Variants in KCNH1 observed in about 807,000 individuals in gnomAD.
KCNH1 encodes potassium voltage-gated channel subfamily H member 1.
Under a neutral mutation model 69.2 loss-of-function variants are expected in KCNH1, and 27 were observed. That is an observed-to-expected ratio of 0.39 (90% CI 0.29 to 0.54). The LOEUF (loss-of-function observed/expected upper bound fraction) is 0.54, where lower values mean the gene tolerates loss of function less well. Among genes scored for constraint, KCNH1 ranks in the 20% least tolerant of loss-of-function variants. KCNH1 has a pLI of 0.68. For missense variants in KCNH1, 798 were observed against 1,261.6 expected (o/e 0.63, Z 5.57); for synonymous variants, 456 against 487.7 (o/e 0.93, Z 0.86).
chr1:210,878,862 A>G (rs1330113006), intron 7 of KCNH1, among the ~76,000 whole-genome samples: 2 of 152,058 alleles, frequency 1.3e-5, no homozygotes, highest in East Asian at 1.9e-4. Context: ...TGAAAATATC[A>G]ATAAAATACA....
chr1:210,852,387 G>T (rs903951528), intron 7 of KCNH1, among the ~76,000 whole-genome samples: 1 of 152,266 alleles, frequency 6.6e-6, no homozygotes, highest in African/African-American at 2.4e-5. Flanking sequence ...CTGCAAAGCT[G>T]CAGTGCTGTG....
At chr1:210,851,762 C>T (rs1334882639) in intron 7 of KCNH1, among the ~76,000 whole-genome samples, 5 of 152,226 alleles carry the variant, frequency 3.3e-5, no homozygotes, top group East Asian at 1.9e-4. Context: ...TATAATAACA[C>T]GATGGTAAGT....
At chr1:210,847,342 A>T (rs1437881906) in intron 7 of KCNH1, among the ~76,000 whole-genome samples, 1 of 152,208 alleles carries the variant, frequency 6.6e-6, no homozygotes, top group African/African-American at 2.4e-5. Flanking sequence ...AATGTCCAAC[A>T]ACGATAGACT....
chr1:211,058,593 A>T (rs1465140970), intron 5 of KCNH1, among the ~76,000 whole-genome samples: 1 of 152,134 alleles, frequency 6.6e-6, no homozygotes, highest in Non-Finnish European at 1.5e-5. Flanking sequence ...ATCAAAAAAC[A>T]TACAATACAT....
chr1:210,803,168 T>C (rs762248127), intron 8 of KCNH1, among the ~76,000 whole-genome samples: 1 of 152,200 alleles, frequency 6.6e-6, no homozygotes, highest in Non-Finnish European at 1.5e-5. Flanking sequence ...AGTGGCATTA[T>C]CTTGGCTCGC....
chr1:210,997,484 C>A (rs1424917590), intron 6 of KCNH1, among the ~76,000 whole-genome samples: 1 of 152,160 alleles, frequency 6.6e-6, no homozygotes, highest in Non-Finnish European at 1.5e-5. Context: ...AAGAAATGAA[C>A]AAAGCTTCCA....
intron 10 of KCNH1, among the ~76,000 whole-genome samples, chr1:210,699,928 T>G (rs1232743829): frequency 6.6e-6 from 1 of 152,172 alleles, no homozygotes; most frequent in African/African-American, 2.4e-5. Context: ...GCCTTCCTCC[T>G]GACCAGCTGC....
rs1415416609 is a variant in KCNH1 at position 210,682,619 on chromosome 1, ACCT to A, written c.*659_*661del. 1.3e-5 allele frequency: 2 copies of A among 152,442 alleles called. No individual in the cohort carries two copies. Among genetic ancestry groups the A allele is most frequent in the Non-Finnish European group, 2.9e-5 (2 of 68,452 alleles). 9.4% of individuals were successfully genotyped at this position (152,442 alleles called of 1,614,324 possible). A position where few individuals can be genotyped will look rare whatever the true frequency, so the allele number is the denominator to read the frequency against. On this transcript the variant is annotated 3_prime_UTR_variant, in exon 11 of 11. Coordinates refer to ENST00000271751, the MANE Select transcript of KCNH1 (RefSeq NM_172362.3). ...CCTCTCCAGCTCTTACCCTTGCCTC[ACCT>A]CCTTTGGGGAAGGAGACCTGAGGAT...
At chr1:210,714,891 C>G (rs1231214925) in intron 10 of KCNH1, among the ~76,000 whole-genome samples, 1 of 152,082 alleles carries the variant, frequency 6.6e-6, no homozygotes, top group Non-Finnish European at 1.5e-5. Flanking sequence ...CTCATTTTCC[C>G]CCAGCCATTG....
chr1:210,833,629 G>C (rs2102442814), intron 7 of KCNH1, among the ~76,000 whole-genome samples: 1 of 152,182 alleles, frequency 6.6e-6, no homozygotes, highest in Admixed American at 6.5e-5. Context: ...CACGGGCAAG[G>C]ACTTCATGTC....
chr1:210,814,220 G>A (rs1199472260), intron 7 of KCNH1, among the ~76,000 whole-genome samples: 1 of 151,982 alleles, frequency 6.6e-6, no homozygotes, highest in Non-Finnish European at 1.5e-5. Flanking sequence ...ATGCAATTTG[G>A]AATACTGGCT....
At position 211,133,806 on chromosome 1, in the gene KCNH1, G is replaced by T; in HGVS notation, c.79+61C>A. ...ATCTGCTGGCTCCGAGCGGCGAGAGGTTCTGCAATAAAGGCACGGATAAAA... is the reference window on the plus strand; with the variant it reads ...ATCTGCTGGCTCCGAGCGGCGAGAGTTTCTGCAATAAAGGCACGGATAAAA... On this transcript the variant is annotated intron_variant, in intron 1 of 10. Coordinates refer to ENST00000271751, the MANE Select transcript of KCNH1 (RefSeq NM_172362.3). The surrounding 1 kb of genome is among the most constrained non-coding windows in gnomAD (Gnocchi z 5.4). The T allele has an allele frequency of 3.4e-6, 5 of 1,473,638 alleles. No individual in the cohort carries two copies. Among genetic ancestry groups the T allele is most frequent in the East Asian group, 2.3e-5 (1 of 42,584 alleles). 91.3% of individuals were successfully genotyped at this position (1,473,638 alleles called of 1,614,324 possible).
chr1:210,844,305 G>A (rs1015202047), intron 7 of KCNH1, among the ~76,000 whole-genome samples: 14 of 152,148 alleles, frequency 9.2e-5, no homozygotes, highest in African/African-American at 2.9e-4. Context: ...GGTGGGTCAC[G>A]AGGTCAAGAG....
chr1:210,962,934 T>C (rs1574364399), intron 6 of KCNH1, among the ~76,000 whole-genome samples: 1 of 151,172 alleles, frequency 6.6e-6, no homozygotes, highest in Non-Finnish European at 1.5e-5. Flanking sequence ...TCGTTTCGTA[T>C]GTTGGTAGTC....
At chr1:210,745,604 G>T (rs74156061) in intron 10 of KCNH1, among the ~76,000 whole-genome samples, 8,872 of 152,164 alleles carry the variant, frequency 0.058, 461 homozygotes, top group East Asian at 0.14. Flanking sequence ...ATACTGTTCT[G>T]GAAAGTACCA....
intron 2 of KCNH1, among the ~76,000 whole-genome samples, chr1:211,106,770 G>A (rs1691355632): frequency 6.6e-6 from 1 of 152,162 alleles, no homozygotes; most frequent in African/African-American, 2.4e-5. Flanking sequence ...ACTCCAGTCT[G>A]GGTGACAAAG....
In KCNH1 at chr1:210,684,154, G is replaced by A; in HGVS notation, c.2113-16C>T. ...GGAACACAATCTGGAGAGAGAGAGA[G>A]AGAGAATGACATGGCGTGTTAGCCA... On this transcript the variant is annotated splice_polypyrimidine_tract_variant and intron_variant, in intron 10 of 10. Transcript: ENST00000271751. 6.7e-7 allele frequency: 1 copy of A among 1,500,194 alleles called. No homozygotes were observed. 92.9% of individuals were successfully genotyped at this position (1,500,194 alleles called of 1,614,324 possible).
chr1:210,850,937 C>T (rs982304573), intron 7 of KCNH1, among the ~76,000 whole-genome samples: 20 of 152,320 alleles, frequency 1.3e-4, no homozygotes, highest in South Asian at 1.2e-3. Context: ...ATTTCATGCA[C>T]AAAAAGGTCA....
intron 7 of KCNH1, among the ~76,000 whole-genome samples, chr1:210,874,145 T>C (rs1686314251): frequency 6.6e-6 from 1 of 152,178 alleles, no homozygotes; most frequent in Non-Finnish European, 1.5e-5. Flanking sequence ...GTCTTCTACA[T>C]CTGCTGGGCA....
Sources: gnomAD v4.1 joint callset for allele counts (sites outside exome capture counted in the v4.1 genomes callset) on GRCh38, gnomAD v4.1.1 for gene constraint, Gnocchi (gnomAD v3.1) non-coding constraint, MANE v1.5 for transcripts, NCBI Gene and HGNC (gene_info 2026-07-23, HGNC 2026-07-21) for gene names.